UTP20: variants seen among roughly 807,000 people sequenced by gnomAD.
UTP20 encodes UTP20 small subunit processome component.
In UTP20, 164 loss-of-function variants were observed where a neutral mutation model predicts 329.5. The ratio of observed to expected loss-of-function variants is 0.50; its 90% CI spans 0.44 to 0.57. UTP20 has a LOEUF of 0.57. Among genes scored for constraint, UTP20 ranks in the 20% least tolerant of loss-of-function variants. The pLI is 0.00. For synonymous variants in UTP20, 1,151 were observed against 1,159.3 expected, an observed-to-expected ratio of 0.99 and a Z score of 0.14; for missense variants, 3,055 against 3,284.2, an observed-to-expected ratio of 0.93 and a Z score of 1.71.
chr12:101,374,250 AAATAAAAAGT>A (rs1357686651), intron 54 of UTP20, among the ~76,000 whole-genome samples: 1 of 151,944 alleles, frequency 6.6e-6, no homozygotes, highest in East Asian at 1.9e-4. Context: ...AAAAAAAAAT[AAATAAAAAGT>A]AATATAAAAA....
chr12:101,341,835 G>A (rs1320105429), intron 32 of UTP20, among the ~76,000 whole-genome samples: 2 of 152,174 alleles, frequency 1.3e-5, no homozygotes, highest in Non-Finnish European at 2.9e-5. Context: ...AACCCAGGAG[G>A]TGGAGGTTGT....
rs755720596 is a variant in UTP20 at position 101,346,516 on chromosome 12, G to A, written c.4812G>A (p.Leu1604=). ...AKQLMEGKVV[L]SSKSLQNYIM... Reference sequence around the variant, plus strand: ...AACTAATGGAAGGCAAAGTTGTTCTGTCTTCTAAATCTCTTCAGAATTACA... The same window carrying A: ...AACTAATGGAAGGCAAAGTTGTTCTATCTTCTAAATCTCTTCAGAATTACA... The change falls in exon 38 of 62, where the codon CTG becomes CTA. Residue 1604 remains leucine (L), a synonymous_variant. Transcript: ENST00000261637. 6.2e-7 allele frequency: 1 copy of A among 1,610,356 alleles called. No individual in the cohort carries two copies. Among genetic ancestry groups the A allele is most frequent in the South Asian group, 1.1e-5 (1 of 90,280 alleles).
chr12:101,344,489 T>A, intron 35 of UTP20, 106 bp from the exon 36 acceptor site: 1 of 688,948 alleles, frequency 1.5e-6, no homozygotes, highest in South Asian at 1.8e-5. Context: ...GTAGGCATTT[T>A]TACAAGCACA....
At chr12:101,299,605 C>T in intron 12 of UTP20, 77 bp from the exon 13 acceptor site, 2 of 1,369,426 alleles carry the variant, frequency 1.5e-6, no homozygotes, top group South Asian at 1.6e-5. Flanking sequence ...TGGTAAGAAT[C>T]CAATTTTATT....
intron 15 of UTP20, among the ~76,000 whole-genome samples, chr12:101,304,479 C>T (rs201942169): frequency 6.8e-6 from 1 of 147,256 alleles, no homozygotes; most frequent in African/African-American, 2.7e-5. Context: ...GATGGAGGAA[C>T]TAAAGTTTCA....
intron 25 of UTP20, among the ~76,000 whole-genome samples, chr12:101,322,549 A>G (rs987593454): frequency 8.5e-5 from 13 of 152,212 alleles, no homozygotes; most frequent in Non-Finnish European, 2.9e-5. Context: ...CAGCTCTGGA[A>G]TGATGAGAAT....
At chr12:101,300,290 A>G (rs576348468) in intron 14 of UTP20, among the ~76,000 whole-genome samples, 6 of 152,282 alleles carry the variant, frequency 3.9e-5, no homozygotes, top group African/African-American at 1.4e-4. Context: ...TATCAAAAGG[A>G]TGCCATGGCT....
At chr12:101,381,003 C>G in intron 57 of UTP20, 137 bp from the exon 58 acceptor site, 1 of 687,118 alleles carries the variant, frequency 1.5e-6, no homozygotes, top group African/African-American at 1.8e-5. Context: ...TGAACCTTTC[C>G]TCTCCAAATC....
In UTP20 at chr12:101,299,790, T is replaced by G. The variant is rs1420770032; in HGVS notation, c.1539T>G (p.Thr513=). Residue 513 remains threonine, a synonymous_variant, in exon 13 of 62, where the codon ACT becomes ACG. Coordinates refer to ENST00000261637, the MANE Select transcript of UTP20 (RefSeq NM_014503.3). ...IIKLPPNKDT[T]YLSQSWAALV... Reference sequence around the variant, plus strand: ...AGTTACCCCCAAATAAAGATACTACTTACCTTTCACAATCTTGGGCAGCCC... The same window carrying G: ...AGTTACCCCCAAATAAAGATACTACGTACCTTTCACAATCTTGGGCAGCCC... 2 of 1,612,988 alleles carry G rather than the reference T, an allele frequency of 1.2e-6. No homozygotes were observed. Among genetic ancestry groups the G allele is most frequent in the African/African-American group, 2.7e-5 (2 of 74,908 alleles).
chr12:101,383,665 G>A lies in UTP20; in HGVS notation c.8052G>A (p.Glu2684=). The A allele has an allele frequency of 6.2e-7, 1 of 1,603,640 alleles. No individual in the cohort carries two copies. Among genetic ancestry groups the A allele is most frequent in the Non-Finnish European group, 8.5e-7 (1 of 1,174,078 alleles). The change falls in exon 60 of 62, where the codon GAG becomes GAA. Residue 2684 remains glutamate (E), a synonymous_variant. Coordinates refer to ENST00000261637, the MANE Select transcript of UTP20 (RefSeq NM_014503.3). ...LFRELNSTYS[E]QDPLLKNLSQ... ...GGGAACTCAACAGCACCTATTCAGAGCAAGGTAACCCTGCCTCGTCTGTTC... is the reference window on the plus strand; with the variant it reads ...GGGAACTCAACAGCACCTATTCAGAACAAGGTAACCCTGCCTCGTCTGTTC...
At chr12:101,302,676 G>A in intron 15 of UTP20, 123 bp downstream of exon 15, 2 of 593,594 alleles carry the variant, frequency 3.4e-6, no homozygotes, top group Non-Finnish European at 5.6e-6. Flanking sequence ...TATTCACGTA[G>A]TGAAATTTAA....
At chr12:101,302,095 T>G (rs1872535999) in intron 14 of UTP20, among the ~76,000 whole-genome samples, 1 of 152,150 alleles carries the variant, frequency 6.6e-6, no homozygotes, top group Admixed American at 6.5e-5. Context: ...CATGCCCAGC[T>G]AATTTTTAAT....
chr12:101,336,226 A>G (rs144318911), intron 29 of UTP20, among the ~76,000 whole-genome samples: 75 of 152,326 alleles, frequency 4.9e-4, no homozygotes, highest in African/African-American at 1.7e-3. Flanking sequence ...AGATATGCAT[A>G]TGAAGTTGTG....
chr12:101,281,856 C>T (rs551575789), intron 2 of UTP20, among the ~76,000 whole-genome samples: 2 of 152,168 alleles, frequency 1.3e-5, no homozygotes, highest in South Asian at 2.1e-4. Context: ...AGGTACGTGC[C>T]ACCACACCCA....
chr12:101,329,641 C>G (rs1868688188), intron 27 of UTP20, among the ~76,000 whole-genome samples, 192 bp downstream of exon 27: 1 of 152,018 alleles, frequency 6.6e-6, no homozygotes, highest in East Asian at 1.9e-4. Context: ...TCAAACATTA[C>G]TAGGCATACA....
In UTP20 at chr12:101,357,049, A is replaced by C; in HGVS notation, c.5658A>C (p.Lys1886Asn). Reference sequence around the variant, plus strand: ...TGCACTTCCTCCTATATGTTTTAAAAGAATTACAGACTACTCTTGTCCGTG... The same window carrying C: ...TGCACTTCCTCCTATATGTTTTAAACGAATTACAGACTACTCTTGTCCGTG... ...LGVHFLLYVL[K>N]ELQTTLVRGY... Residue 1886 changes from lysine (K) to asparagine (N), a missense_variant, in exon 43 of 62, where the codon AAA becomes AAC. Physicochemically the swap from Lys to Asn is moderately conservative, Grantham distance 94. Transcript: ENST00000261637. The C allele has an allele frequency of 6.2e-7, 1 of 1,613,604 alleles. No individual in the cohort carries two copies. Among genetic ancestry groups the C allele is most frequent in the East Asian group, 2.2e-5 (1 of 44,848 alleles).
chr12:101,380,699 C>T (rs1284219349), intron 57 of UTP20, among the ~76,000 whole-genome samples: 1 of 151,718 alleles, frequency 6.6e-6, no homozygotes, highest in Non-Finnish European at 1.5e-5. Flanking sequence ...CCCATCACTA[C>T]TAAAAATACA....
intron 11 of UTP20, among the ~76,000 whole-genome samples, chr12:101,294,541 C>CTTTT (rs1211436109): frequency 3.9e-5 from 5 of 129,296 alleles, no homozygotes; most frequent in East Asian, 2.3e-4. Context: ...TCTCGTTTTT[C>CTTTT]TTTTTTTTTT....
At chr12:101,309,607 C>T (rs1872726441) in intron 18 of UTP20, among the ~76,000 whole-genome samples, 156 bp from the exon 19 acceptor site, 1 of 152,180 alleles carries the variant, frequency 6.6e-6, no homozygotes, top group African/African-American at 2.4e-5. Flanking sequence ...AATTAGTATA[C>T]ATTGAATTTT....
Sources: allele counts gnomAD v4.1 joint callset (sites outside exome capture counted in the v4.1 genomes callset), GRCh38; gene constraint gnomAD v4.1.1; transcripts MANE v1.5; gene names NCBI Gene and HGNC (gene_info 2026-07-23, HGNC 2026-07-21).